The following RNF144B variants were observed in gnomAD, a reference collection of about 807,000 sequenced individuals.
RNF144B encodes E3 ubiquitin-protein ligase RNF144B.
A neutral mutation model predicts 40.2 loss-of-function variants in RNF144B; 25 were observed. The ratio of observed to expected loss-of-function variants is 0.62; its 90% confidence interval spans 0.45 to 0.87. RNF144B has a LOEUF of 0.87. Among genes scored for constraint, RNF144B ranks in the 40% least tolerant of loss-of-function variants. RNF144B has a pLI of 0.00. For synonymous variants in RNF144B, 145 were observed against 136.3 expected, an observed-to-expected ratio of 1.06 and a Z score of -0.44; for missense variants, 365 against 373.7, an observed-to-expected ratio of 0.98 and a Z score of 0.19.
intron 4 of RNF144B, among the ~76,000 whole-genome samples, chr6:18,454,980 T>G (rs1383671198): frequency 3.3e-5 from 5 of 152,222 alleles, no homozygotes; most frequent in African/African-American, 4.8e-5. Context: ...TTTTAAAAGA[T>G]CTCTGATTTA....
intron 4 of RNF144B, among the ~76,000 whole-genome samples, chr6:18,449,713 A>G (rs1226969017): frequency 6.6e-6 from 1 of 151,818 alleles, no homozygotes; most frequent in African/African-American, 2.4e-5. Flanking sequence ...ATATATATAT[A>G]CATTGTGGAT....
chr6:18,422,255 G>A lies in RNF144B; in HGVS notation c.166-5326G>A, dbSNP rs1758443276. 6.6e-6 allele frequency among the ~76,000 whole-genome samples: 1 copy of A among 152,136 alleles called. No homozygotes were observed. Among genetic ancestry groups the A allele is most frequent in the African/African-American group, 2.4e-5 (1 of 41,432 alleles). On this transcript the variant is annotated intron_variant, in intron 2 of 7. Coordinates refer to ENST00000259939, the MANE Select transcript of RNF144B (RefSeq NM_182757.4). The surrounding 1 kb of genome is among the most constrained non-coding windows in gnomAD (Gnocchi z 4.7). The stretch of plus-strand genomic sequence containing the variant: ...TTTAACTCAACAGCATCTAACAAAG[G>A]CAGTCTTATTCTTGGATCATGTGTA...
In RNF144B at chr6:18,404,263, G is replaced by C. The variant is rs1404568580; in HGVS notation, c.165+4564G>C. On this transcript the variant is annotated intron_variant, in intron 2 of 7. Coordinates refer to ENST00000259939, the MANE Select transcript of RNF144B (RefSeq NM_182757.4). ...ATGCCACTTTCCTATTTCTACCTCT[G>C]TTTCTCCCTTGCAGTATAGCATAGT... Among the ~76,000 whole-genome samples, 5 of 152,170 alleles carry C rather than the reference G, an allele frequency of 3.3e-5. No homozygotes were observed. In the East Asian group the frequency reaches 9.6e-4, roughly 29 times the overall value.
intron 2 of RNF144B, among the ~76,000 whole-genome samples, chr6:18,407,675 A>G (rs192765566): frequency 6.6e-6 from 1 of 152,332 alleles, no homozygotes; most frequent in East Asian, 1.9e-4. Flanking sequence ...CTCTAAAATA[A>G]AATTGGTTAG....
rs1191782703 is a variant in RNF144B, at chr6:18,467,567, A to G, written c.*2500A>G. ...ATCAACAAAACTAGGTTGGTTAAAC[A>G]TATCTCTGGTACATCAAGGGGCATG... is the stretch of plus-strand genomic sequence containing the variant. On this transcript the variant is annotated 3_prime_UTR_variant, in exon 8 of 8. Transcript: ENST00000259939. The G allele has an allele frequency of 6.6e-6, 1 of 152,042 alleles. No individual in the cohort carries two copies. Among genetic ancestry groups the G allele is most frequent in the Admixed American group, 6.6e-5 (1 of 15,264 alleles). The allele number at this position is 152,042 out of a possible 1,614,324, so 9.4% of individuals were successfully genotyped here.
chr6:18,400,991 T>G lies in RNF144B; in HGVS notation c.165+1292T>G, dbSNP rs909801906. ...ACTTCAGTTTCCTTTGGTCTTGCTTTGTTTCTGAAGGCTGTCCTTCAAAAC... is the reference window on the plus strand; with the variant it reads ...ACTTCAGTTTCCTTTGGTCTTGCTTGGTTTCTGAAGGCTGTCCTTCAAAAC... On this transcript the variant is annotated intron_variant, in intron 2 of 7. Transcript: ENST00000259939. This position sits in a 1 kb window ranked among gnomAD's most constrained non-coding sequence, Gnocchi z 5.6. Among the ~76,000 whole-genome samples the G allele has an allele frequency of 2.6e-5, 4 of 152,238 alleles. No homozygotes were observed. Among genetic ancestry groups the G allele is most frequent in the African/African-American group, 9.6e-5 (4 of 41,460 alleles).
At position 18,458,530 on chromosome 6, in the gene RNF144B, C is replaced by G. The variant is rs9477749; in HGVS notation, c.537-1077C>G. Among the ~76,000 whole-genome samples, 52,916 of 152,074 alleles carry G rather than the reference C, an allele frequency of 0.35. 9,768 individuals are homozygous for G. Among genetic ancestry groups the G allele is most frequent in the East Asian group, 0.51 (2,604 of 5,138 alleles). On this transcript the variant is annotated intron_variant, in intron 5 of 7. Transcript: ENST00000259939. The surrounding 1 kb of genome is among the most constrained non-coding windows in gnomAD (Gnocchi z 4.8). ...TGCCCTCTTAGCCGGATTCAAACCA[C>G]TGTTGCCTACATTTTCGTGGCCATA...
chr6:18,410,278 G>C lies in RNF144B; in HGVS notation c.165+10579G>C, dbSNP rs1795007403. 6.6e-6 allele frequency among the ~76,000 whole-genome samples: 1 copy of C among 152,132 alleles called. No homozygotes were observed. The highest frequency in any genetic ancestry group is 1.5e-5 in the Non-Finnish European group (1 of 68,016). ...TTGTCCAGACTCTACTGATCCATTT[G>C]GTACTAGTGTGTGCCAGGCATGGTG... On this transcript the variant is annotated intron_variant, in intron 2 of 7. Transcript: ENST00000259939. The surrounding 1 kb of genome is among the most constrained non-coding windows in gnomAD (Gnocchi z 4.6).
rs1795156715 is a variant in RNF144B, at chr6:18,416,863, G to A, written c.166-10718G>A. ...GAACTAGTGGTGCTTAGACTTGGTTGCAAATGGGAATCACTTCAAGAGTTT... is the reference window on the plus strand; with the variant it reads ...GAACTAGTGGTGCTTAGACTTGGTTACAAATGGGAATCACTTCAAGAGTTT... On this transcript the variant is annotated intron_variant, in intron 2 of 7. Transcript: ENST00000259939. This position sits in a 1 kb window ranked among gnomAD's most constrained non-coding sequence, Gnocchi z 5.5. 6.6e-6 allele frequency among the ~76,000 whole-genome samples: 1 copy of A among 152,104 alleles called. No homozygotes were observed. The highest frequency in any genetic ancestry group is 1.5e-5 in the Non-Finnish European group (1 of 68,022).
intron 1 of RNF144B, among the ~76,000 whole-genome samples, chr6:18,391,836 C>T (rs1043552846): frequency 2.1e-5 from 3 of 142,396 alleles, no homozygotes; most frequent in African/African-American, 7.8e-5. Context: ...CCACTGCACT[C>T]CAGCCTGGGG....
rs1056452108 is a variant in RNF144B at position 18,442,003 on chromosome 6, TATC to T, written c.331+2265_331+2267del. On this transcript the variant is annotated intron_variant, in intron 4 of 7. Coordinates refer to ENST00000259939, the MANE Select transcript of RNF144B (RefSeq NM_182757.4). This position sits in a 1 kb window ranked among gnomAD's most constrained non-coding sequence, Gnocchi z 4.3. ...GGTAATCATACCGTTCTTCAGGAAATATCATCATACTGAAGTAGATATTATTGA... is the reference window on the plus strand; with the variant it reads ...GGTAATCATACCGTTCTTCAGGAAATATCATACTGAAGTAGATATTATTGA... Among the ~76,000 whole-genome samples, 2 of 152,246 alleles carry T rather than the reference TATC, an allele frequency of 1.3e-5. No homozygotes were observed. The highest frequency in any genetic ancestry group is 6.5e-5 in the Admixed American group (1 of 15,284).
chr6:18,457,589 G>A lies in RNF144B; in HGVS notation c.536+230G>A, dbSNP rs984209005. ...ATTGCTGGAATTAAAGTTTGTATGA[G>A]TTTTGCTTTCTCTTTAGGTAGTGAG... On this transcript the variant is annotated intron_variant, in intron 5 of 7. Coordinates refer to ENST00000259939, the MANE Select transcript of RNF144B (RefSeq NM_182757.4). This position sits in a 1 kb window ranked among gnomAD's most constrained non-coding sequence, Gnocchi z 5.1. Among the ~76,000 whole-genome samples the A allele has an allele frequency of 6.6e-6, 1 of 152,164 alleles. No homozygotes were observed. Among genetic ancestry groups the A allele is most frequent in the African/African-American group, 2.4e-5 (1 of 41,448 alleles).
chr6:18,438,256 G>A (rs547949), intron 3 of RNF144B, among the ~76,000 whole-genome samples: 31,971 of 152,032 alleles, frequency 0.21, 3,384 homozygotes, highest in East Asian at 0.25. Context: ...CAGGAAAGAT[G>A]TCTGGGTAGC....
intron 3 of RNF144B, among the ~76,000 whole-genome samples, chr6:18,433,848 G>C (rs1758752333): frequency 1.3e-5 from 2 of 152,198 alleles, no homozygotes; most frequent in African/African-American, 4.8e-5. Context: ...CTGTTAGGAA[G>C]AGCAGCTCTC....
At chr6:18,435,712 G>T (rs1758801563) in intron 3 of RNF144B, among the ~76,000 whole-genome samples, 1 of 152,090 alleles carries the variant, frequency 6.6e-6, no homozygotes, top group Non-Finnish European at 1.5e-5. Context: ...ATGAGTTCAT[G>T]TCCTTTGTAG....
chr6:18,454,721 C>G (rs1417631925), intron 4 of RNF144B, among the ~76,000 whole-genome samples: 1 of 152,152 alleles, frequency 6.6e-6, no homozygotes, highest in Non-Finnish European at 1.5e-5. Context: ...TATAGTAATT[C>G]ATCAAAACCT....
rs556484133 is a variant in RNF144B, at chr6:18,450,764, A to G, written c.332-6391A>G. On this transcript the variant is annotated intron_variant, in intron 4 of 7. Transcript: ENST00000259939. This position sits in a 1 kb window ranked among gnomAD's most constrained non-coding sequence, Gnocchi z 4.7. ...CTTGTTCAGTGTTTTCTTTAAGGAC[A>G]GAATCTTAATTCTAATATCCAGAAA... Among the ~76,000 whole-genome samples the G allele has an allele frequency of 6.6e-6, 1 of 152,358 alleles. No individual in the cohort carries two copies. Among genetic ancestry groups the G allele is most frequent in the South Asian group, 2.1e-4 (1 of 4,828 alleles).
chr6:18,401,736 G>T (rs1013649435), intron 2 of RNF144B, among the ~76,000 whole-genome samples: 8 of 152,138 alleles, frequency 5.3e-5, no homozygotes, highest in Non-Finnish European at 7.3e-5. Flanking sequence ...AAAGAAATTT[G>T]TAACTTTTTC....
chr6:18,387,723 C>T, intron 1 of RNF144B, 93 bp downstream of exon 1: 1 of 1,083,802 alleles, frequency 9.2e-7, no homozygotes, highest in Non-Finnish European at 1.2e-6. Flanking sequence ...CTCACTGTGA[C>T]ACCACAATTT....
Sources: allele counts gnomAD v4.1 joint callset (sites outside exome capture counted in the v4.1 genomes callset), GRCh38; gene constraint gnomAD v4.1.1; non-coding constraint Gnocchi (gnomAD v3.1); transcripts MANE v1.5; gene names NCBI Gene and HGNC (gene_info 2026-07-23, HGNC 2026-07-21).